CORO1A: variants seen among roughly 807,000 people sequenced by gnomAD.
CORO1A encodes coronin 1A.
Under a neutral mutation model 44.1 loss-of-function variants are expected in CORO1A, and 17 were observed. That is an observed-to-expected ratio of 0.39 (90% CI 0.26 to 0.58). The LOEUF (loss-of-function observed/expected upper bound fraction) is 0.58. Among genes scored for constraint, CORO1A ranks in the 20% least tolerant of loss-of-function variants. The pLI, the probability that CORO1A is intolerant of heterozygous loss-of-function variation, is 0.62. For synonymous variants in CORO1A, 271 were observed against 244.2 expected, an observed-to-expected ratio of 1.11 and a Z score of -1.02; for missense variants, 415 against 606.5, an observed-to-expected ratio of 0.68 and a Z score of 3.32.
rs112123877 is a variant in CORO1A at position 30,186,953 on chromosome 16, G to C, written c.451+8G>C. 6.2e-7 allele frequency: 1 copy of C among 1,612,732 alleles called. No individual in the cohort carries two copies. Among genetic ancestry groups the C allele is most frequent in the African/African-American group, 1.3e-5 (1 of 74,936 alleles). ...ACGTGCTGCTCAGTGCAGGTGCTGC[G>C]GGAGGAGGGGCTTGGGGGTGGCTCG... On this transcript the variant is annotated splice_region_variant and intron_variant, in intron 4 of 10. Coordinates refer to ENST00000219150, the MANE Select transcript of CORO1A (RefSeq NM_007074.4).
chr16:30,188,270 C>G, intron 9 of CORO1A, 21 bp downstream of exon 9: 1 of 1,613,466 alleles, frequency 6.2e-7, no homozygotes, highest in South Asian at 1.1e-5. Flanking sequence ...CCCGCCCCAC[C>G]CTGGGCTCCA....
intron 6 of CORO1A, 38 bp from the exon 7 acceptor site, chr16:30,187,687 C>A: frequency 1.3e-6 from 2 of 1,539,422 alleles, no homozygotes; most frequent in Non-Finnish European, 9.0e-7. Flanking sequence ...GACCACCATC[C>A]CAGGGCCTGG....
In CORO1A at chr16:30,188,177, T is replaced by C. The variant is rs965084504; in HGVS notation, c.1008-15T>C. 1.9e-6 allele frequency: 3 copies of C among 1,613,854 alleles called. No homozygotes were observed. The highest frequency in any genetic ancestry group is 2.7e-5 in the African/African-American group (2 of 74,928). On this transcript the variant is annotated splice_polypyrimidine_tract_variant and intron_variant, in intron 8 of 10. Transcript: ENST00000219150. ...AACCAGACTGTGGGCCCCGCTCACC[T>C]TCCCCTTCCCACAGGTTCTACAAGC...
Position 30,186,859 on chromosome 16 carries a change from AGCCCGTCGTCACCCTGGAGG to A in CORO1A, c.369_388del (p.Val124HisfsTer23). On this transcript the variant is annotated frameshift_variant, in exon 4 of 11. Transcript: ENST00000219150. LOFTEE classifies it high-confidence loss of function. ...GGGGGCCTGATGCTGCCCCTGCGGG[AGCCCGTCGTCACCCTGGAGG>A]GCCACACCAAGCGTGTGGGCATTGT... The A allele has an allele frequency of 6.2e-7, 1 of 1,611,842 alleles. No individual in the cohort carries two copies. The highest frequency in any genetic ancestry group is 8.5e-7 in the Non-Finnish European group (1 of 1,179,974).
chr16:30,188,141 C>T (rs775862391), intron 8 of CORO1A, 51 bp from the exon 9 acceptor site: 4 of 1,613,414 alleles, frequency 2.5e-6, no homozygotes, highest in Non-Finnish European at 3.4e-6. Flanking sequence ...TGGGCAGTCC[C>T]AAGCCCACCC....
Position 30,188,825 on chromosome 16 carries a change from G to A in CORO1A, c.1282-35G>A, listed in dbSNP as rs2073382727. 1.1e-5 allele frequency: 5 copies of A among 459,304 alleles called. No individual in the cohort carries two copies. The East Asian group carries it at 1.7e-4, about 15-fold the overall frequency. The allele number at this position is 459,304 out of a possible 1,614,324, so 28.5% of individuals were successfully genotyped here. A position where few individuals can be genotyped will look rare whatever the true frequency, so the allele number is the denominator to read the frequency against. On this transcript the variant is annotated intron_variant, in intron 10 of 10. Transcript: ENST00000219150. ...AGAGGCTGGGGTAAGGGGAGCCAGG[G>A]AGGAGCTGGGCCTAATGCAGCACCG...
intron 4 of CORO1A, 38 bp downstream of exon 4, chr16:30,186,983 C>T: frequency 6.2e-7 from 1 of 1,613,162 alleles, no homozygotes; most frequent in Non-Finnish European, 8.5e-7. Context: ...GGCTCGTGGC[C>T]TGCAGTGGAT....
chr16:30,188,161 G>C, intron 8 of CORO1A, 31 bp from the exon 9 acceptor site: 1 of 1,613,974 alleles, frequency 6.2e-7, no homozygotes, highest in Non-Finnish European at 8.5e-7. Flanking sequence ...CAACCAGACT[G>C]TGGGCCCCGC....
intron 2 of CORO1A, 46 bp downstream of exon 2, chr16:30,185,453 A>G (rs2073323352): frequency 6.4e-7 from 1 of 1,560,538 alleles, no homozygotes; most frequent in Non-Finnish European, 8.8e-7. Context: ...CACCGGACCC[A>G]TGGCTCTGTG....
chr16:30,186,497 A>C (rs1218020787), intron 2 of CORO1A, 101 bp from the exon 3 acceptor site: 5 of 1,365,512 alleles, frequency 3.7e-6, no homozygotes, highest in Middle Eastern at 2.5e-4. Context: ...GCTCCCAGGG[A>C]CACCACAGCT....
chr16:30,186,192 A>G (rs1213329151), intron 2 of CORO1A: 2 of 313,114 alleles, frequency 6.4e-6, no homozygotes, highest in African/African-American at 4.4e-5. Context: ...CAGCCCCACC[A>G]CTCACACTCG....
chr16:30,187,034 T>TGCAGGTTGTGACAACGTGATCATG lies in CORO1A; in HGVS notation c.452-3_472dup. The TGCAGGTTGTGACAACGTGATCATG allele has an allele frequency of 6.2e-7, 1 of 1,613,848 alleles. No individual in the cohort carries two copies. Among genetic ancestry groups the TGCAGGTTGTGACAACGTGATCATG allele is most frequent in the Non-Finnish European group, 8.5e-7 (1 of 1,179,938 alleles). On this transcript the variant is annotated splice_region_variant and splice_polypyrimidine_tract_variant and intron_variant, in intron 4 of 10. Coordinates refer to ENST00000219150, the MANE Select transcript of CORO1A (RefSeq NM_007074.4). ...ATGGCTTCTGACACTGTGGGGAACG[T>TGCAGGTTGTGACAACGTGATCATG]GCAGGTTGTGACAACGTGATCATGG...
chr16:30,186,428 T>C, intron 2 of CORO1A, 170 bp from the exon 3 acceptor site: 2 of 763,832 alleles, frequency 2.6e-6, no homozygotes, highest in Non-Finnish European at 4.4e-6. Context: ...CCAGGCCATT[T>C]TGGGACTGGA....
rs777518853 is a variant in CORO1A at position 30,186,592 on chromosome 16, C to T, written c.199-6C>T. ...AAGCACCTCCAAGGCCCTGCTGTGC[C>T]TTTAGACTGGACGTGTGGACAAGAA... On this transcript the variant is annotated splice_region_variant and splice_polypyrimidine_tract_variant and intron_variant, in intron 2 of 10. Coordinates refer to ENST00000219150, the MANE Select transcript of CORO1A (RefSeq NM_007074.4). 3.7e-6 allele frequency: 6 copies of T among 1,612,140 alleles called. No individual in the cohort carries two copies. The highest frequency in any genetic ancestry group is 1.3e-5 in the African/African-American group (1 of 74,854).
intron 10 of CORO1A, 132 bp downstream of exon 10, chr16:30,188,708 G>C: frequency 1.4e-6 from 1 of 720,824 alleles, no homozygotes; most frequent in Non-Finnish European, 2.3e-6. Flanking sequence ...TCAGAACACA[G>C]GTTTCAGATT....
At chr16:30,187,249 T>C in intron 5 of CORO1A, 26 bp downstream of exon 5, 1 of 1,608,508 alleles carries the variant, frequency 6.2e-7, no homozygotes, top group Non-Finnish European at 8.5e-7. Flanking sequence ...CCCTGACCTT[T>C]GACCCTACAG....
At chr16:30,187,869 G>C in intron 7 of CORO1A, 40 bp downstream of exon 7, 1 of 1,603,182 alleles carries the variant, frequency 6.2e-7, no homozygotes, top group Non-Finnish European at 8.5e-7. Context: ...AGGTGGGCAG[G>C]ATGGGCCTGG....
Position 30,184,630 on chromosome 16 carries a change from G to A in CORO1A, c.-1-579G>A. Reference sequence around the variant, plus strand: ...AGAGGCAGAGGTATGGGGAGGAGGAGATACCTGGACCTGAGCCAGAGACCT... The same window carrying A: ...AGAGGCAGAGGTATGGGGAGGAGGAAATACCTGGACCTGAGCCAGAGACCT... On this transcript the variant is annotated intron_variant, in intron 1 of 10. Coordinates refer to ENST00000219150, the MANE Select transcript of CORO1A (RefSeq NM_007074.4). This position sits in a 1 kb window ranked among gnomAD's most constrained non-coding sequence, Gnocchi z 4.3. 1 of 184,900 alleles carries A rather than the reference G, an allele frequency of 5.4e-6. No homozygotes were observed. Among genetic ancestry groups the A allele is most frequent in the Non-Finnish European group, 1.2e-5 (1 of 86,754 alleles). The allele number at this position is 184,900 out of a possible 1,614,324, so 11.5% of individuals were successfully genotyped here.
At chr16:30,188,773 G>T in intron 10 of CORO1A, 87 bp from the exon 11 acceptor site, 2 of 537,148 alleles carry the variant, frequency 3.7e-6, no homozygotes, top group Non-Finnish European at 6.4e-6. Flanking sequence ...AGGGCCCAAG[G>T]CCAGGGCTCT....
Sources: allele counts gnomAD v4.1 joint callset, GRCh38; gene constraint gnomAD v4.1.1; non-coding constraint Gnocchi (gnomAD v3.1); transcripts MANE v1.5; gene names NCBI Gene and HGNC (gene_info 2026-07-23, HGNC 2026-07-21).